LINGO2: variants seen among roughly 807,000 people sequenced by gnomAD.
LINGO2 encodes leucine rich repeat and Ig domain containing 2, also known as leucine-rich repeat and immunoglobulin-like domain-containing nogo receptor-interacting protein 2.
A neutral mutation model predicts 30.6 loss-of-function variants in LINGO2; 14 were observed. That is an observed-to-expected ratio of 0.46 (90% CI 0.30 to 0.72). The LOEUF is 0.72. Ranked by LOEUF, LINGO2 falls within the 30% of genes least tolerant of loss-of-function variation. LINGO2 has a pLI of 0.07. For synonymous variants in LINGO2, 317 were observed against 288.5 expected, an observed-to-expected ratio of 1.10 and a Z score of -1.00; for missense variants, 729 against 751.7, an observed-to-expected ratio of 0.97 and a Z score of 0.35.
At chr9:29,185,233 C>G in the LINGO2 span, among the ~76,000 whole-genome samples, 1 of 152,066 alleles carries the variant, frequency 6.6e-6, no homozygotes, top group Admixed American at 6.6e-5. Context: ...ACAGAACATG[C>G]TAGGCCTTTC....
chr9:29,059,848 T>C, the LINGO2 span, among the ~76,000 whole-genome samples: 5 of 152,108 alleles, frequency 3.3e-5, no homozygotes, highest in African/African-American at 1.2e-4. Context: ...CATAAAAAAT[T>C]GATAAATTGA....
the LINGO2 span, among the ~76,000 whole-genome samples, chr9:29,048,986 G>C: frequency 6.6e-6 from 1 of 152,192 alleles, no homozygotes; most frequent in Admixed American, 6.5e-5. Flanking sequence ...AAGTGAAAAA[G>C]CTTCTGCACA....
At chr9:28,105,719 A>ACTCT (rs369866533) in intron 4 of LINGO2, among the ~76,000 whole-genome samples, 40 of 147,830 alleles carry the variant, frequency 2.7e-4, no homozygotes, top group Non-Finnish European at 4.7e-4. Flanking sequence ...AACCTGTCTC[A>ACTCT]CTCTCTCTCT....
chr9:28,261,206 A>G lies in LINGO2; in HGVS notation c.-87+34002T>C, dbSNP rs111635339. On this transcript the variant is annotated intron_variant, in intron 4 of 5. Transcript: ENST00000379992. ...ATTATGTTTTATTAAAATGATAAGC[A>G]TAACAAGGAAAGTCCTCTATATTAT... 4.4e-3 allele frequency among the ~76,000 whole-genome samples: 669 copies of G among 152,128 alleles called. 4 individuals are homozygous for G. Among genetic ancestry groups the G allele is most frequent in the African/African-American group, 0.011 (468 of 41,550 alleles).
chr9:29,205,054 T>C, the LINGO2 span, among the ~76,000 whole-genome samples: 2 of 152,240 alleles, frequency 1.3e-5, no homozygotes, highest in South Asian at 4.1e-4. Flanking sequence ...GATCACCATA[T>C]GGTTTTTCTT....
intron 1 of LINGO2, among the ~76,000 whole-genome samples, chr9:28,478,763 T>C (rs148320019): frequency 6.6e-6 from 1 of 152,210 alleles, no homozygotes; most frequent in African/African-American, 2.4e-5. Context: ...ACTTTGTAAT[T>C]TGTCAATAAT....
At chr9:28,468,127 C>A (rs1298421099) in intron 2 of LINGO2, among the ~76,000 whole-genome samples, 1 of 151,936 alleles carries the variant, frequency 6.6e-6, no homozygotes, top group Non-Finnish European at 1.5e-5. Flanking sequence ...ATCTGATAGT[C>A]AAAAATCTAC....
chr9:28,433,336 C>G (rs1004200884), intron 2 of LINGO2, among the ~76,000 whole-genome samples: 1 of 152,072 alleles, frequency 6.6e-6, no homozygotes, highest in Non-Finnish European at 1.5e-5. Flanking sequence ...TACTCCAAAA[C>G]TCTTCCACTT....
chr9:28,699,184 T>C, the LINGO2 span, among the ~76,000 whole-genome samples: 7 of 152,068 alleles, frequency 4.6e-5, no homozygotes, highest in Non-Finnish European at 1.0e-4. Flanking sequence ...TGTTACATTT[T>C]CTGTTGGTGT....
the LINGO2 span, chr9:27,942,653 A>G: frequency 6.6e-6 from 1 of 152,144 alleles, no homozygotes; most frequent in African/African-American, 2.4e-5. Flanking sequence ...TTAACTTTCA[A>G]TCATGGGATA....
chr9:28,056,576 A>G (rs188425104), intron 4 of LINGO2, among the ~76,000 whole-genome samples: 7 of 152,240 alleles, frequency 4.6e-5, no homozygotes, highest in African/African-American at 1.7e-4. Context: ...ACAGCACCCT[A>G]CACAGTGATT....
At chr9:29,206,064 C>T in the LINGO2 span, among the ~76,000 whole-genome samples, 1 of 152,110 alleles carries the variant, frequency 6.6e-6, no homozygotes, top group Non-Finnish European at 1.5e-5. Flanking sequence ...GTATTTCATT[C>T]CTTTTCACTG....
chr9:28,367,047 C>A (rs959996049), intron 3 of LINGO2, among the ~76,000 whole-genome samples: 4 of 149,642 alleles, frequency 2.7e-5, no homozygotes, highest in Admixed American at 2.6e-4. Context: ...TTAAAACTGC[C>A]CATATGACAC....
intron 4 of LINGO2, among the ~76,000 whole-genome samples, chr9:28,281,102 C>G (rs1233400873): frequency 6.6e-6 from 1 of 152,054 alleles, no homozygotes; most frequent in Non-Finnish European, 1.5e-5. Flanking sequence ...TCTTTTTAAA[C>G]ACAGGGAGAG....
At chr9:28,287,078 A>G (rs541061377) in intron 4 of LINGO2, among the ~76,000 whole-genome samples, 98 of 152,306 alleles carry the variant, frequency 6.4e-4, no homozygotes, top group African/African-American at 2.3e-3. Context: ...GAAGAAAGAC[A>G]AAGGCCCTGA....
chr9:28,507,613 G>T (rs1383581981), intron 1 of LINGO2, among the ~76,000 whole-genome samples: 1 of 151,968 alleles, frequency 6.6e-6, no homozygotes, highest in African/African-American at 2.4e-5. Flanking sequence ...TATATATAAG[G>T]TATGACTCAA....
chr9:28,536,699 A>G (rs899536533), intron 1 of LINGO2, among the ~76,000 whole-genome samples: 16 of 152,288 alleles, frequency 1.1e-4, no homozygotes, highest in African/African-American at 3.8e-4. Flanking sequence ...GATATCAACA[A>G]CGAGCAATCA....
In LINGO2 at chr9:28,231,363, T is replaced by G. The variant is rs368236837; in HGVS notation, c.-87+63845A>C. Among the ~76,000 whole-genome samples the G allele has an allele frequency of 3.9e-4, 59 of 152,104 alleles. No homozygotes were observed. In the South Asian group the frequency reaches 4.4e-3, roughly 11 times the overall value. On this transcript the variant is annotated intron_variant, in intron 4 of 5. Transcript: ENST00000379992. ...TTTCCAAGTATATTTAAACTTTTAC[T>G]TTTAGAAAAAAATTATTTTTTGGAG...
At chr9:28,747,525 C>G in the LINGO2 span, among the ~76,000 whole-genome samples, 8 of 151,978 alleles carry the variant, frequency 5.3e-5, no homozygotes, top group Non-Finnish European at 1.2e-4. Context: ...TAGCACACAC[C>G]CACTTGGACT....
Sources: gnomAD v4.1 joint callset for allele counts (sites outside exome capture counted in the v4.1 genomes callset) on GRCh38, gnomAD v4.1.1 for gene constraint, MANE v1.5 for transcripts, NCBI Gene and HGNC (gene_info 2026-07-23, HGNC 2026-07-21) for gene names.